The following TTC28 variants were observed in gnomAD, a reference collection of about 807,000 sequenced individuals.
The protein encoded by TTC28 is tetratricopeptide repeat domain 28, also known as tetratricopeptide repeat protein 28.
Under a neutral mutation model 198.0 loss-of-function variants are expected in TTC28, and 61 were observed. That is an observed-to-expected ratio of 0.31 (90% CI 0.25 to 0.38). TTC28 has a LOEUF of 0.38. Among genes scored for constraint, TTC28 ranks in the 10% least tolerant of loss-of-function variants. The pLI is 1.00. For missense variants in TTC28, 2,678 were observed against 3,164.0 expected (o/e 0.85, Z 3.69); for synonymous variants, 1,171 against 1,297.8 (o/e 0.90, Z 2.10).
chr22:28,375,738 C>G, intron 2 of TTC28, among the ~76,000 whole-genome samples: 1 of 152,122 alleles, frequency 6.6e-6, no homozygotes, highest in Non-Finnish European at 1.5e-5. Flanking sequence ...AGTCAGTGGA[C>G]TGAGTAGGGA....
chr22:28,522,890 G>A (rs2048935598), intron 2 of TTC28, among the ~76,000 whole-genome samples: 1 of 152,072 alleles, frequency 6.6e-6, no homozygotes, highest in African/African-American at 2.4e-5. Context: ...GGGAGAGGGA[G>A]AATGGAGAGT....
chr22:28,126,275 A>C (rs982186094), intron 6 of TTC28, among the ~76,000 whole-genome samples: 1 of 152,202 alleles, frequency 6.6e-6, no homozygotes, highest in Admixed American at 6.5e-5. Flanking sequence ...ATTCAGATTG[A>C]TCAAAATCAT....
chr22:28,220,650 T>C (rs1927783164), intron 5 of TTC28, among the ~76,000 whole-genome samples: 1 of 152,130 alleles, frequency 6.6e-6, no homozygotes, highest in African/African-American at 2.4e-5. Context: ...TCCAGCAAAA[T>C]GAGGGCTACA....
At chr22:28,199,548 T>TATATATACAC (rs60177369) in intron 5 of TTC28, among the ~76,000 whole-genome samples, 1 of 147,434 alleles carries the variant, frequency 6.8e-6, no homozygotes, top group African/African-American at 2.5e-5. Flanking sequence ...TATATATATA[T>TATATATACAC]ACACACAAAC....
chr22:28,433,591 G>C (rs1466680016), intron 2 of TTC28, among the ~76,000 whole-genome samples: 1 of 152,106 alleles, frequency 6.6e-6, no homozygotes, highest in Non-Finnish European at 1.5e-5. Flanking sequence ...TAATATTTGT[G>C]TCACTAAAAA....
At position 28,546,275 on chromosome 22, in the gene TTC28, G is replaced by A. The variant is rs557090273; in HGVS notation, c.381+83277C>T. Among the ~76,000 whole-genome samples the A allele has an allele frequency of 5.8e-4, 89 of 152,194 alleles. 2 individuals carry two copies. The highest frequency in any genetic ancestry group is 4.8e-3 in the Admixed American group (74 of 15,284). Reference sequence around the variant, plus strand: ...GCCTGGCCCAACATGGTGAGACCCCGTCTCTATTAAAAATACAAAAATTAG... The same window carrying A: ...GCCTGGCCCAACATGGTGAGACCCCATCTCTATTAAAAATACAAAAATTAG... On this transcript the variant is annotated intron_variant, in intron 2 of 22. Transcript: ENST00000397906.
At chr22:28,426,211 CAAAA>C (rs34448246) in intron 2 of TTC28, among the ~76,000 whole-genome samples, 4 of 85,668 alleles carry the variant, frequency 4.7e-5, no homozygotes, top group Admixed American at 2.8e-4. Flanking sequence ...GACTCCACGT[CAAAA>C]AAAAAAAAAA....
At chr22:28,549,174 C>T (rs1282534790) in intron 2 of TTC28, among the ~76,000 whole-genome samples, 2 of 151,920 alleles carry the variant, frequency 1.3e-5, no homozygotes, top group African/African-American at 4.8e-5. Flanking sequence ...ATTACAGGCA[C>T]CCACCATCAC....
chr22:27,982,516 G>C lies in TTC28; in HGVS notation c.7151C>G (p.Thr2384Arg). 2.6e-6 allele frequency: 4 copies of C among 1,551,662 alleles called. No homozygotes were observed. Among genetic ancestry groups the C allele is most frequent in the Non-Finnish European group, 3.5e-6 (4 of 1,146,986 alleles). ...GAGGACATCCCTTTTGGAAGTCATC[G>C]TGCCAGGAGCCCCCCGGAAGATCTT... Reference protein sequence around the residue: ...PMKIFRGAPGTMTSKRDVLSL... With the variant: ...PMKIFRGAPGRMTSKRDVLSL... The change falls in exon 23 of 23, where the codon ACG becomes AGG. Residue 2384 changes from threonine (T) to arginine (R), a missense_variant. Transcript: ENST00000397906. The surrounding 1 kb of genome is among the most constrained non-coding windows in gnomAD (Gnocchi z 5.2).
chr22:28,013,307 T>C (rs1031892429), intron 14 of TTC28, among the ~76,000 whole-genome samples: 1 of 152,236 alleles, frequency 6.6e-6, no homozygotes, highest in Non-Finnish European at 1.5e-5. Context: ...GCTCGCCTGC[T>C]GCAGGCTCCC....
At chr22:28,230,260 T>C (rs1281094445) in intron 5 of TTC28, among the ~76,000 whole-genome samples, 3 of 152,132 alleles carry the variant, frequency 2.0e-5, no homozygotes, top group African/African-American at 7.2e-5. Flanking sequence ...TGCAAGCAAA[T>C]ATCACTGGCC....
intron 5 of TTC28, among the ~76,000 whole-genome samples, chr22:28,192,005 T>A (rs1052397340): frequency 3.9e-5 from 6 of 152,228 alleles, no homozygotes; most frequent in Non-Finnish European, 7.3e-5. Context: ...GGTGGGTCCC[T>A]GACCGCCGAG....
intron 2 of TTC28, among the ~76,000 whole-genome samples, chr22:28,512,926 G>A (rs980057140): frequency 1.3e-5 from 2 of 149,760 alleles, no homozygotes; most frequent in Non-Finnish European, 3.0e-5. Context: ...TCAAATAAAA[G>A]TTGAAGGAAG....
intron 2 of TTC28, among the ~76,000 whole-genome samples, chr22:28,432,829 C>T (rs1318878020): frequency 1.3e-5 from 2 of 152,262 alleles, no homozygotes; most frequent in East Asian, 3.8e-4. Context: ...AAAGCTAATC[C>T]TCCCTTGAAA....
intron 5 of TTC28, among the ~76,000 whole-genome samples, chr22:28,202,196 T>C (rs749914141): frequency 6.6e-6 from 1 of 152,000 alleles, no homozygotes; most frequent in East Asian, 1.9e-4. Flanking sequence ...TGCGTTTGAG[T>C]AGATTCAGAA....
chr22:28,183,171 C>T lies in TTC28; in HGVS notation c.934-19572G>A, dbSNP rs186433583. Among the ~76,000 whole-genome samples the T allele has an allele frequency of 3.3e-4, 50 of 152,092 alleles. 1 individual carries two copies. Among genetic ancestry groups the T allele is most frequent in the Admixed American group, 6.6e-4 (10 of 15,264 alleles). On this transcript the variant is annotated intron_variant, in intron 5 of 22. Transcript: ENST00000397906. ...ACTCTTGGGTTCAAGTGGTTCCCCC[C>T]ACCTCAGCCTTCTGAGTAGCTGGGA...
At chr22:28,383,598 G>A (rs2046529633) in intron 2 of TTC28, among the ~76,000 whole-genome samples, 1 of 152,134 alleles carries the variant, frequency 6.6e-6, no homozygotes, top group African/African-American at 2.4e-5. Flanking sequence ...TCTACCAGTT[G>A]CTCAGGTCAA....
chr22:28,523,659 A>G (rs2048950742), intron 2 of TTC28, among the ~76,000 whole-genome samples: 1 of 152,226 alleles, frequency 6.6e-6, no homozygotes, highest in Admixed American at 6.5e-5. Flanking sequence ...TCAATTTTAT[A>G]AACAAGGACA....
intron 6 of TTC28, among the ~76,000 whole-genome samples, chr22:28,161,637 G>A (rs1211312528): frequency 1.3e-5 from 2 of 151,538 alleles, no homozygotes; most frequent in Admixed American, 1.3e-4. Flanking sequence ...CAAGGTAATA[G>A]ATGGAGACCC....
Sources: allele counts gnomAD v4.1 joint callset (sites outside exome capture counted in the v4.1 genomes callset), GRCh38; gene constraint gnomAD v4.1.1; non-coding constraint Gnocchi (gnomAD v3.1); transcripts MANE v1.5; gene names NCBI Gene and HGNC (gene_info 2026-07-23, HGNC 2026-07-21).